Variants in KANSL1 observed in about 807,000 individuals in gnomAD.
The protein encoded by KANSL1 is MLL1/MLL complex subunit KANSL1.
A neutral mutation model predicts 103.6 loss-of-function variants in KANSL1; 22 were observed. The ratio of observed to expected loss-of-function variants is 0.21; its 90% CI spans 0.15 to 0.30. The LOEUF (loss-of-function observed/expected upper bound fraction) is 0.30. Ranked by LOEUF, KANSL1 falls within the 10% of genes least tolerant of loss-of-function variation. The pLI is 1.00. For missense variants in KANSL1, 1,337 were observed against 1,399.8 expected (o/e 0.96, Z 0.72); for synonymous variants, 600 against 527.6 (o/e 1.14, Z -1.88).
chr17:46,113,813 C>T (rs1156938049), intron 2 of KANSL1, among the ~76,000 whole-genome samples: 1 of 152,148 alleles, frequency 6.6e-6, no homozygotes, highest in Non-Finnish European at 1.5e-5. Flanking sequence ...AAGAAAATTC[C>T]TTAGTCAATA....
intron 2 of KANSL1, among the ~76,000 whole-genome samples, chr17:46,123,142 G>A (rs998155147): frequency 6.6e-5 from 10 of 152,210 alleles, no homozygotes; most frequent in Middle Eastern, 3.2e-3. Context: ...TTTGGGAGGC[G>A]GCGGCAGGCG....
chr17:46,184,569 T>C (rs1343688668), intron 1 of KANSL1, among the ~76,000 whole-genome samples: 1 of 152,200 alleles, frequency 6.6e-6, no homozygotes, highest in Non-Finnish European at 1.5e-5. Context: ...CTTTTTACAT[T>C]AGACCTCATC....
intron 2 of KANSL1, among the ~76,000 whole-genome samples, chr17:46,119,307 C>T (rs2043179312): frequency 1.4e-5 from 2 of 139,438 alleles, no homozygotes; most frequent in Non-Finnish European, 3.0e-5. Context: ...GCTCCAGAGT[C>T]CTCAATTTTC....
rs576700304 is a variant in KANSL1, at chr17:46,054,986, G to T, written c.1849-4282C>A. On this transcript the variant is annotated intron_variant, in intron 6 of 14. Coordinates refer to ENST00000432791, the MANE Select transcript of KANSL1 (RefSeq NM_015443.4). ...CTATCTCAGCCTCCCGAGTAGCTGG[G>T]ACTATAGGCGCCCGCCACAACACCT... Among the ~76,000 whole-genome samples, 42 of 151,072 alleles carry T rather than the reference G, an allele frequency of 2.8e-4. No individual in the cohort carries two copies. In the East Asian group the frequency reaches 5.5e-3, roughly 20 times the overall value.
intron 2 of KANSL1, among the ~76,000 whole-genome samples, chr17:46,128,282 C>T (rs191493588): frequency 7.1e-4 from 108 of 152,302 alleles, no homozygotes; most frequent in African/African-American, 2.5e-3. Flanking sequence ...TCTCACAGAA[C>T]CTTGTGCCTT....
intron 6 of KANSL1, among the ~76,000 whole-genome samples, chr17:46,056,169 T>C (rs1021530364): frequency 1.2e-4 from 18 of 152,202 alleles, no homozygotes; most frequent in Non-Finnish European, 2.2e-4. Flanking sequence ...GGCTAATTTC[T>C]GTATTTTTAG....
intron 3 of KANSL1, among the ~76,000 whole-genome samples, chr17:46,084,915 C>G (rs1204198447): frequency 6.6e-6 from 1 of 152,106 alleles, no homozygotes; most frequent in Non-Finnish European, 1.5e-5. Flanking sequence ...TTGCAAAAGA[C>G]AGTTATCTTG....
chr17:46,159,354 A>G (rs1400398712), intron 2 of KANSL1, among the ~76,000 whole-genome samples: 3 of 152,232 alleles, frequency 2.0e-5, no homozygotes, highest in Non-Finnish European at 4.4e-5. Context: ...AATTCTTTCT[A>G]CTCTCTTACT....
intron 4 of KANSL1, among the ~76,000 whole-genome samples, chr17:46,081,147 C>T (rs1417222004): frequency 1.3e-5 from 2 of 152,114 alleles, no homozygotes; most frequent in Admixed American, 6.6e-5. Flanking sequence ...ATGCCCTGTC[C>T]TTCAGAAGTG....
rs2146484524 is a variant in KANSL1, at chr17:46,050,563, A to G, written c.1990T>C (p.Cys664Arg). 2 of 1,614,200 alleles carry G rather than the reference A, an allele frequency of 1.2e-6. No individual in the cohort carries two copies. The highest frequency in any genetic ancestry group is 1.7e-6 in the Non-Finnish European group (2 of 1,180,026). Residue 664 changes from cysteine to arginine, a missense_variant, in exon 7 of 15, where the codon TGT becomes CGT. By Grantham distance (180) the Cys-to-Arg change is radical. Around this residue, in one of 2 missense-constraint regions of KANSL1, gnomAD observed 780 missense variants for 923.4 expected, o/e 0.84. Transcript: ENST00000432791. ...LLERLSQLDS[C>R]VHPVLAFPDD... ...GGAAATGCTAGAACAGGATGAACAC[A>G]AGAGTCCAACTGGGAAAGACGTTCC...
At chr17:46,196,573 T>TAGCA (rs2047617502), upstream of KANSL1, 1 of 385,776 alleles carries the variant, frequency 2.6e-6, no homozygotes, top group Non-Finnish European at 5.1e-6. Context: ...TCCTTGGTGA[T>TAGCA]AGCATTAAGC....
chr17:46,171,201 T>C lies in KANSL1; in HGVS notation c.943A>G (p.Arg315Gly), dbSNP rs1415188192. 1 of 1,614,136 alleles carries C rather than the reference T, an allele frequency of 6.2e-7. No individual in the cohort carries two copies. Among genetic ancestry groups the C allele is most frequent in the Non-Finnish European group, 8.5e-7 (1 of 1,180,046 alleles). Reference sequence around the variant, plus strand: ...CCACCCAGCTGATGTTGTATATGCCTCTCAACCTGCTTGGCTTGCACAACC... The same window carrying C: ...CCACCCAGCTGATGTTGTATATGCCCCTCAACCTGCTTGGCTTGCACAACC... ...LQVVQAKQVERHIQHQLGGFL... is the reference protein window; with the variant it reads ...LQVVQAKQVEGHIQHQLGGFL... Residue 315 changes from arginine (R) to glycine (G), a missense_variant, in exon 2 of 15, where the codon AGG becomes GGG. Transcript: ENST00000432791.
chr17:46,127,162 A>AC (rs2043610151), intron 2 of KANSL1, among the ~76,000 whole-genome samples: 1 of 152,254 alleles, frequency 6.6e-6, no homozygotes, highest in Non-Finnish European at 1.5e-5. Flanking sequence ...GACTATTTTC[A>AC]CCCCTCACAA....
intron 2 of KANSL1, among the ~76,000 whole-genome samples, chr17:46,124,459 T>C (rs1386243374): frequency 1.3e-5 from 2 of 152,196 alleles, no homozygotes; most frequent in African/African-American, 2.4e-5. Flanking sequence ...AGGATATAAA[T>C]CCTGTTATCA....
At chr17:46,035,232 G>GC (rs2077114467) in intron 10 of KANSL1, 1 of 152,450 alleles carries the variant, frequency 6.6e-6, no homozygotes, top group Non-Finnish European at 1.5e-5. Context: ...CGCTGCCATG[G>GC]CAACAAAACA....
At chr17:46,218,551 G>A (rs1279943252) in intron 1 of KANSL1, among the ~76,000 whole-genome samples, 2 of 152,212 alleles carry the variant, frequency 1.3e-5, no homozygotes, top group African/African-American at 2.4e-5. Context: ...GGGAGGCCAA[G>A]GCGGGTGGAT....
At chr17:46,096,311 C>CTTTTTTTTTTCTTTTTTTTTTT (rs2042070295) in intron 2 of KANSL1, among the ~76,000 whole-genome samples, 1 of 76,408 alleles carries the variant, frequency 1.3e-5, no homozygotes, top group Non-Finnish European at 2.5e-5. Flanking sequence ...GCTTTTTTTT[C>CTTTTTTTTTTCTTTTTTTTTTT]TTTTTTTTTT....
chr17:46,144,756 T>C (rs1399352428), intron 2 of KANSL1, among the ~76,000 whole-genome samples: 1 of 152,148 alleles, frequency 6.6e-6, no homozygotes, highest in Non-Finnish European at 1.5e-5. Context: ...GCTTTTTCAG[T>C]CCCCTCCTCA....
intron 4 of KANSL1, among the ~76,000 whole-genome samples, chr17:46,081,025 A>C (rs2146811765): frequency 6.6e-6 from 1 of 152,334 alleles, no homozygotes; most frequent in African/African-American, 2.4e-5. Flanking sequence ...GGGTAGGGAA[A>C]GGACCAAGCT....
Sources: allele counts gnomAD v4.1 joint callset (sites outside exome capture counted in the v4.1 genomes callset), GRCh38; gene constraint gnomAD v4.1.1; regional missense constraint gnomAD v4.1.1; transcripts MANE v1.5; gene names NCBI Gene and HGNC (gene_info 2026-07-23, HGNC 2026-07-21).